MGAT5: variants seen among roughly 807,000 people sequenced by gnomAD.
The protein encoded by MGAT5 is alpha-1,6-mannosylglycoprotein 6-beta-N-acetylglucosaminyltransferase.
Under a neutral mutation model 94.3 loss-of-function variants are expected in MGAT5, and 30 were observed. The ratio of observed to expected loss-of-function variants is 0.32; its 90% confidence interval spans 0.24 to 0.43. MGAT5 has a LOEUF of 0.43. MGAT5 is among the 20% of genes least tolerant of loss of function. The pLI, the probability that MGAT5 is intolerant of heterozygous loss-of-function variation, is 1.00. For synonymous variants in MGAT5, 310 were observed against 322.9 expected (o/e 0.96, Z 0.43); for missense variants, 691 against 905.5 (o/e 0.76, Z 3.04).
chr2:134,412,652 G>T (rs535496455), intron 11 of MGAT5, among the ~76,000 whole-genome samples: 2 of 152,164 alleles, frequency 1.3e-5, no homozygotes, highest in Admixed American at 6.5e-5. Flanking sequence ...ATAGTGAGTT[G>T]AGCAGCTTTG....
At chr2:134,196,402 T>TAAA (rs11405614) in intron 1 of MGAT5, among the ~76,000 whole-genome samples, 1 of 145,852 alleles carries the variant, frequency 6.9e-6, no homozygotes. Flanking sequence ...TCTTAAGGCT[T>TAAA]AAAAAAAAAA....
rs116127374 is a variant in MGAT5, at chr2:134,254,710, C to G, written c.241+66C>G. On this transcript the variant is annotated intron_variant, in intron 1 of 15. Transcript: ENST00000281923. ...TGGCCTTGAAATGGCCCTAGAAGCT[C>G]CCAGATATGGTCTTGTCATGGACTG... is the stretch of plus-strand genomic sequence containing the variant. The G allele has an allele frequency of 4.4e-6, 7 of 1,584,904 alleles. No individual in the cohort carries two copies. The East Asian group carries it at 1.1e-4, about 25-fold the overall frequency.
chr2:134,354,570 G>T (rs542934329), intron 9 of MGAT5, among the ~76,000 whole-genome samples: 1 of 152,220 alleles, frequency 6.6e-6, no homozygotes, highest in South Asian at 2.1e-4. Context: ...TTCCTAAGTT[G>T]GTGGGGTTTC....
At chr2:134,380,127 G>T (rs1013847478) in intron 10 of MGAT5, among the ~76,000 whole-genome samples, 6 of 152,204 alleles carry the variant, frequency 3.9e-5, no homozygotes, top group African/African-American at 1.4e-4. Flanking sequence ...AAGACAAGGA[G>T]CGTGTTGTTC....
At chr2:134,196,727 A>T (rs1679512724) in intron 1 of MGAT5, among the ~76,000 whole-genome samples, 2 of 152,310 alleles carry the variant, frequency 1.3e-5, no homozygotes, top group East Asian at 3.9e-4. Context: ...ACAAATTTGT[A>T]AAGTTTCTTA....
At chr2:134,339,671 C>G (rs956051729) in intron 6 of MGAT5, among the ~76,000 whole-genome samples, 5 of 152,094 alleles carry the variant, frequency 3.3e-5, no homozygotes, top group Non-Finnish European at 5.9e-5. Flanking sequence ...AACTAGACTT[C>G]TGAATATATC....
chr2:134,248,678 G>A (rs1379520316), intron 1 of MGAT5, among the ~76,000 whole-genome samples: 12 of 74,154 alleles, frequency 1.6e-4, no homozygotes, highest in African/African-American at 8.1e-4. Context: ...TTAGAGCAGC[G>A]CTGTCCTATG....
rs147032114 is a variant in MGAT5 at position 134,179,743 on chromosome 2, C to T, written c.-143+59452C>T. Among the ~76,000 whole-genome samples the T allele has an allele frequency of 1.7e-3, 260 of 152,264 alleles. 1 individual carries two copies. The highest frequency in any genetic ancestry group is 6.0e-3 in the African/African-American group (248 of 41,548). On this transcript the variant is annotated intron_variant, in intron 1 of 16. Coordinates refer to the MGAT5 transcript ENST00000409645. ...TCTGAATCTGTCAGAGGCATTTGAA[C>T]GAGAGTAACTCCATCTTAAATAGGG...
At chr2:134,193,166 AG>A (rs1249829015) in intron 1 of MGAT5, among the ~76,000 whole-genome samples, 3 of 149,930 alleles carry the variant, frequency 2.0e-5, no homozygotes, top group African/African-American at 7.4e-5. Context: ...TATGTTACCC[AG>A]GCTAGAGTAC....
chr2:134,434,388 G>A (rs1039404022), intron 14 of MGAT5, among the ~76,000 whole-genome samples: 1 of 152,180 alleles, frequency 6.6e-6, no homozygotes, highest in Non-Finnish European at 1.5e-5. Flanking sequence ...TTTCAGGATA[G>A]TCAAGCACAT....
chr2:134,245,098 C>T (rs1455200260), intron 1 of MGAT5, among the ~76,000 whole-genome samples: 4 of 152,280 alleles, frequency 2.6e-5, no homozygotes, highest in East Asian at 3.9e-4. Flanking sequence ...CTGCAAGCTC[C>T]GTCTCCCGGG....
At chr2:134,129,116 A>G (rs1330737314) in intron 1 of MGAT5, among the ~76,000 whole-genome samples, 1 of 152,254 alleles carries the variant, frequency 6.6e-6, no homozygotes, top group Non-Finnish European at 1.5e-5. Flanking sequence ...TATGGGTCTC[A>G]CTGGCCGAGA....
intron 1 of MGAT5, among the ~76,000 whole-genome samples, chr2:134,142,295 C>T (rs1686694248): frequency 1.3e-5 from 2 of 152,246 alleles, no homozygotes; most frequent in South Asian, 4.1e-4. Context: ...AGAGTGTTAA[C>T]CTGGAAGAGC....
At position 134,396,165 on chromosome 2, in the gene MGAT5, A is replaced by G. The variant is rs1163735732; in HGVS notation, c.1381-6823A>G. On this transcript the variant is annotated intron_variant, in intron 10 of 15. Coordinates refer to ENST00000281923, the MANE Select transcript of MGAT5 (RefSeq NM_002410.5). ...GATTCTTAGCTTCCAAGGGTTTTTC[A>G]GAGCCCCACAAGGTTTGAGTGGGAC... 3.3e-5 allele frequency among the ~76,000 whole-genome samples: 5 copies of G among 152,322 alleles called. No individual in the cohort carries two copies. In the East Asian group the frequency reaches 9.6e-4, roughly 29 times the overall value.
intron 12 of MGAT5, among the ~76,000 whole-genome samples, chr2:134,420,240 G>A (rs930425579): frequency 6.6e-6 from 1 of 152,176 alleles, no homozygotes; most frequent in African/African-American, 2.4e-5. Flanking sequence ...AATAACGTTT[G>A]TGCAGGTGAT....
At chr2:134,386,445 T>G (rs906117957) in intron 10 of MGAT5, among the ~76,000 whole-genome samples, 5 of 152,228 alleles carry the variant, frequency 3.3e-5, no homozygotes, top group African/African-American at 1.2e-4. Flanking sequence ...AAGAATTTCC[T>G]TTTTCTCTTA....
intron 1 of MGAT5, among the ~76,000 whole-genome samples, chr2:134,218,085 G>A (rs1186877682): frequency 2.6e-5 from 4 of 152,224 alleles, no homozygotes; most frequent in African/African-American, 9.7e-5. Context: ...TCCTTTTCAA[G>A]AAAGCTTAAG....
At chr2:134,425,584 G>A (rs1158705326) in intron 13 of MGAT5, among the ~76,000 whole-genome samples, 5 of 152,254 alleles carry the variant, frequency 3.3e-5, no homozygotes, top group Middle Eastern at 3.4e-3. Flanking sequence ...TGGAGGAGCC[G>A]TGACTCAAAC....
At chr2:134,243,740 T>C (rs1336534690) in intron 1 of MGAT5, among the ~76,000 whole-genome samples, 2 of 152,218 alleles carry the variant, frequency 1.3e-5, no homozygotes, top group Admixed American at 6.5e-5. Flanking sequence ...AGTTCATTTT[T>C]TTAACCAAAT....
Sources: allele counts gnomAD v4.1 joint callset (sites outside exome capture counted in the v4.1 genomes callset), GRCh38; gene constraint gnomAD v4.1.1; transcripts MANE v1.5; gene names NCBI Gene and HGNC (gene_info 2026-07-23, HGNC 2026-07-21).